The following RIN3 variants were observed in gnomAD, a reference collection of about 807,000 sequenced individuals.
RIN3 encodes the protein Ras and Rab interactor 3.
A neutral mutation model predicts 76.3 loss-of-function variants in RIN3; 54 were observed. The observed-to-expected ratio is 0.71, with a 90% CI of 0.57 to 0.89. The LOEUF (loss-of-function observed/expected upper bound fraction) is 0.89. Ranked by LOEUF, RIN3 falls within the 40% of genes least tolerant of loss-of-function variation. RIN3 has a pLI of 0.00. For missense variants in RIN3, 1,256 were observed against 1,322.1 expected (o/e 0.95, Z 0.78); for synonymous variants, 576 against 564.0 (o/e 1.02, Z -0.30).
Position 92,651,665 on chromosome 14 carries a change from C to G in RIN3, c.616C>G (p.Leu206Val), listed in dbSNP as rs776497277. The change falls in exon 6 of 10, where the codon CTA becomes GTA. Residue 206 changes from leucine to valine, a missense_variant. By Grantham distance (32) the Leu-to-Val change is conservative. Transcript: ENST00000216487. ...PPRDRAPGFP[L>V]VSSLRPTAHD... is the part of the protein sequence containing the mutation. Reference sequence around the variant, plus strand: ...AAGAGACCGGGCCCCCGGATTCCCCCTAGTCTCCAGCCTCAGGCCCACAGC... The same window carrying G: ...AAGAGACCGGGCCCCCGGATTCCCCGTAGTCTCCAGCCTCAGGCCCACAGC... The G allele has an allele frequency of 4.3e-6, 7 of 1,613,920 alleles. No homozygotes were observed. In the African/African-American group the frequency reaches 9.3e-5, roughly 22 times the overall value.
chr14:92,582,595 G>A (rs1295800072), intron 3 of RIN3, among the ~76,000 whole-genome samples: 1 of 152,112 alleles, frequency 6.6e-6, no homozygotes, highest in Admixed American at 6.5e-5. Flanking sequence ...TGGGACTACA[G>A]GCATGCGCCA....
intron 2 of RIN3, among the ~76,000 whole-genome samples, chr14:92,574,826 C>T (rs1028716136): frequency 1.3e-5 from 2 of 152,112 alleles, no homozygotes; most frequent in African/African-American, 2.4e-5. Context: ...CATACACTCA[C>T]GGAGACCAGG....
At chr14:92,554,072 A>C (rs1392418769) in intron 1 of RIN3, among the ~76,000 whole-genome samples, 1 of 152,158 alleles carries the variant, frequency 6.6e-6, no homozygotes, top group Non-Finnish European at 1.5e-5. Flanking sequence ...ACAGGGCAAG[A>C]TGGAAGGCAC....
chr14:92,641,386 A>C (rs964751438), intron 5 of RIN3, 57 bp downstream of exon 5: 17 of 1,356,108 alleles, frequency 1.3e-5, no homozygotes, highest in African/African-American at 2.9e-5. Context: ...CTGGGGCCCT[A>C]GGACTGCCCC....
At chr14:92,546,530 C>G (rs1458030663) in intron 1 of RIN3, among the ~76,000 whole-genome samples, 6 of 152,104 alleles carry the variant, frequency 3.9e-5, no homozygotes, top group Non-Finnish European at 8.8e-5. Flanking sequence ...CCTGTGGCGC[C>G]ATTGGCTTTC....
At chr14:92,527,838 C>T (rs2140000484) in intron 1 of RIN3, among the ~76,000 whole-genome samples, 1 of 152,314 alleles carries the variant, frequency 6.6e-6, no homozygotes, top group South Asian at 2.1e-4. Context: ...GTCCATTCCT[C>T]TTTGTCGCTG....
At chr14:92,562,676 G>A (rs988171041) in intron 2 of RIN3, among the ~76,000 whole-genome samples, 2 of 152,014 alleles carry the variant, frequency 1.3e-5, no homozygotes, top group South Asian at 4.2e-4. Context: ...TGTGCATGTG[G>A]GTGTGTGTTT....
chr14:92,597,726 G>T (rs1162164261), intron 3 of RIN3, among the ~76,000 whole-genome samples: 1 of 152,120 alleles, frequency 6.6e-6, no homozygotes, highest in Non-Finnish European at 1.5e-5. Context: ...GACTCCAGCT[G>T]GATCCCTAGT....
intron 3 of RIN3, among the ~76,000 whole-genome samples, chr14:92,609,686 T>A (rs1885652681): frequency 1.3e-5 from 2 of 152,164 alleles, no homozygotes; most frequent in South Asian, 4.1e-4. Context: ...GCTGTACTAG[T>A]AGGGTTTTGA....
rs576177027 is a variant in RIN3 at position 92,545,643 on chromosome 14, C to T, written c.45-10108C>T. On this transcript the variant is annotated intron_variant, in intron 1 of 9. Coordinates refer to ENST00000216487, the MANE Select transcript of RIN3 (RefSeq NM_024832.5). ...TCACTGAGGCTGGAGTGCAGTGGTG[C>T]GATCAGTGCTCACTGCAGCCTCAAT... Among the ~76,000 whole-genome samples the T allele has an allele frequency of 5.1e-5, 7 of 136,686 alleles. 1 individual carries two copies. The highest frequency in any genetic ancestry group is 8.1e-5 in the Admixed American group (1 of 12,410). 89.7% of individuals were successfully genotyped at this position (136,686 alleles called of 152,430 possible).
chr14:92,530,578 G>A (rs986223599), intron 1 of RIN3, among the ~76,000 whole-genome samples: 1 of 151,842 alleles, frequency 6.6e-6, no homozygotes, highest in Non-Finnish European at 1.5e-5. Flanking sequence ...TTACAGGCGA[G>A]GAAACTGAGG....
At chr14:92,668,715 A>C (rs1351263793) in intron 7 of RIN3, among the ~76,000 whole-genome samples, 1 of 152,174 alleles carries the variant, frequency 6.6e-6, no homozygotes, top group East Asian at 1.9e-4. Flanking sequence ...GTAGTTTTCA[A>C]ACTATTTCCA....
chr14:92,622,916 A>G (rs1208100244), intron 4 of RIN3, among the ~76,000 whole-genome samples: 1 of 152,248 alleles, frequency 6.6e-6, no homozygotes, highest in Non-Finnish European at 1.5e-5. Flanking sequence ...CCTATCTAAT[A>G]TGATTCGGAT....
intron 2 of RIN3, chr14:92,576,286 T>C: frequency 2.3e-6 from 3 of 1,289,562 alleles, no homozygotes. Flanking sequence ...CTCCCCATGC[T>C]TGCCTTCGGG....
intron 3 of RIN3, among the ~76,000 whole-genome samples, chr14:92,601,453 G>T (rs921488868): frequency 1.3e-5 from 2 of 152,174 alleles, no homozygotes; most frequent in Admixed American, 6.6e-5. Context: ...TCAGATCAAA[G>T]TTCCCAAGCT....
intron 3 of RIN3, among the ~76,000 whole-genome samples, chr14:92,603,145 G>A (rs942058): frequency 1.3e-5 from 2 of 152,088 alleles, no homozygotes; most frequent in East Asian, 1.9e-4. Flanking sequence ...TGAGAGCTGC[G>A]GACTGGACAG....
intron 9 of RIN3, 22 bp from the exon 10 acceptor site, chr14:92,687,904 C>T (rs1250090225): frequency 1.3e-6 from 2 of 1,523,974 alleles, no homozygotes; most frequent in Non-Finnish European, 1.8e-6. Flanking sequence ...GCCGTGACCA[C>T]AGGCCCCTCG....
intron 4 of RIN3, among the ~76,000 whole-genome samples, chr14:92,632,070 G>GT (rs1886606166): frequency 6.6e-6 from 1 of 152,188 alleles, no homozygotes; most frequent in African/African-American, 2.4e-5. Context: ...GAGAAGCCCA[G>GT]TGAGGGTGCG....
intron 7 of RIN3, among the ~76,000 whole-genome samples, chr14:92,661,655 C>T (rs1176738772): frequency 6.6e-6 from 1 of 151,168 alleles, no homozygotes; most frequent in African/African-American, 2.4e-5. Flanking sequence ...ACCCGGGAGG[C>T]AGACGTTGCA....
Sources: allele counts gnomAD v4.1 joint callset (sites outside exome capture counted in the v4.1 genomes callset), GRCh38; gene constraint gnomAD v4.1.1; transcripts MANE v1.5; gene names NCBI Gene and HGNC (gene_info 2026-07-23, HGNC 2026-07-21).